C19orf47: variants seen among roughly 807,000 people sequenced by gnomAD.
C19orf47 encodes the protein chromosome 19 open reading frame 47, also known as uncharacterized protein C19orf47.
A neutral mutation model predicts 32.3 loss-of-function variants in C19orf47; 18 were observed. The observed-to-expected ratio is 0.56, with a 90% CI of 0.39 to 0.83. The LOEUF is 0.83. C19orf47 is among the 40% of genes least tolerant of loss of function. The probability of loss-of-function intolerance (pLI) is 0.00; values close to 1 mark genes in which losing one functional copy is unlikely to be tolerated. For missense variants in C19orf47, 484 were observed against 531.6 expected, an observed-to-expected ratio of 0.91 and a Z score of 0.88; for synonymous variants, 202 against 211.1, an observed-to-expected ratio of 0.96 and a Z score of 0.37.
chr19:40,302,406 C>T, the C19orf47 span, among the ~76,000 whole-genome samples: 19 of 152,248 alleles, frequency 1.2e-4, no homozygotes, highest in Non-Finnish European at 2.9e-5. Context: ...GTTGGGACTA[C>T]AGGCATGCAC....
the C19orf47 span, among the ~76,000 whole-genome samples, chr19:40,311,054 A>T: frequency 3.9e-5 from 6 of 152,194 alleles, no homozygotes; most frequent in East Asian, 1.2e-3. Context: ...CGTGGGCAAC[A>T]TAGCAAGCCC....
chr19:40,326,573 C>G, intron 6 of C19orf47, 87 bp from the exon 7 acceptor site: 1 of 1,458,152 alleles, frequency 6.9e-7, no homozygotes, highest in Non-Finnish European at 9.2e-7. Flanking sequence ...TCCTTTATCT[C>G]CACACATTCA....
intron 5 of C19orf47, 117 bp from the exon 6 acceptor site, chr19:40,328,667 G>A (rs1359155102): frequency 1.2e-5 from 16 of 1,354,530 alleles, no homozygotes; most frequent in South Asian, 2.9e-5. Flanking sequence ...GAAGGTCAGC[G>A]GGTATCACCC....
At chr19:40,338,320 CAAAT>C (rs1428911969) in intron 2 of C19orf47, among the ~76,000 whole-genome samples, 11 of 146,320 alleles carry the variant, frequency 7.5e-5, no homozygotes, top group South Asian at 4.2e-4. Flanking sequence ...TATATATACA[CAAAT>C]ATATATATAC....
intron 2 of C19orf47, among the ~76,000 whole-genome samples, chr19:40,340,452 G>T (rs552106112): frequency 6.6e-6 from 1 of 152,018 alleles, no homozygotes; most frequent in African/African-American, 2.4e-5. Flanking sequence ...GGAGGCCGAG[G>T]CAGGTGGATC....
intron 7 of C19orf47, 119 bp from the exon 8 acceptor site, chr19:40,324,195 G>T: frequency 1.0e-6 from 1 of 959,020 alleles, no homozygotes; most frequent in Non-Finnish European, 1.7e-6. Context: ...GGGCCAGACT[G>T]TGCTGAGTTG....
chr19:40,328,954 T>C (rs1008106637), intron 5 of C19orf47, among the ~76,000 whole-genome samples: 1 of 152,026 alleles, frequency 6.6e-6, no homozygotes, highest in Non-Finnish European at 1.5e-5. Context: ...TGGCATGCAG[T>C]TCCCCAAGCA....
In C19orf47 at chr19:40,321,875, A is replaced by G. The variant is rs766495098; in HGVS notation, c.*7T>C. ...GCTCTGCTGCCTGCACCCCGCCCAC[A>G]GGTGGGCTAGAAGGTCCTGCGGCCC... On this transcript the variant is annotated 3_prime_UTR_variant, in exon 9 of 9. Transcript: ENST00000683109. 2.6e-6 allele frequency: 4 copies of G among 1,566,046 alleles called. No individual in the cohort carries two copies. Among genetic ancestry groups the G allele is most frequent in the Non-Finnish European group, 3.5e-6 (4 of 1,156,768 alleles).
chr19:40,321,889 G>A lies in C19orf47; in HGVS notation c.1151C>T (p.Thr384Ile). ...VSVFKRLGRR[T>I]F is the part of the protein sequence containing the mutation. ...ACCCCGCCCACAGGTGGGCTAGAAGGTCCTGCGGCCCAGTCTTTTGAACAC... is the reference window on the plus strand; with the variant it reads ...ACCCCGCCCACAGGTGGGCTAGAAGATCCTGCGGCCCAGTCTTTTGAACAC... Residue 384 changes from threonine (T) to isoleucine (I), a missense_variant, in exon 9 of 9, where the codon ACC becomes ATC. Coordinates refer to ENST00000683109, the MANE Select transcript of C19orf47 (RefSeq NM_001256441.2). 6.3e-7 allele frequency: 1 copy of A among 1,593,346 alleles called. No homozygotes were observed. The highest frequency in any genetic ancestry group is 8.5e-7 in the Non-Finnish European group (1 of 1,169,868).
In C19orf47 at chr19:40,328,515, C is replaced by A; in HGVS notation, c.337G>T (p.Asp113Tyr). Reference protein sequence around the residue: ...SRMITNSLNHDSPPSTPPRRP... With the variant: ...SRMITNSLNHYSPPSTPPRRP... ...CTGGGGGGTGTGCTGGGTGGAGAGT[C>A]ATGGTTCAGGCTGTTGGTGATCATT... is the stretch of plus-strand genomic sequence containing the variant. The change falls in exon 6 of 9, where the codon GAC becomes TAC. Residue 113 changes from aspartate to tyrosine, a missense_variant. Asp to Tyr is a radical substitution (Grantham distance 160). This residue lies in a region of C19orf47 where 376 missense variants were observed against 370.2 expected (regional missense o/e 1.02). Transcript: ENST00000683109. 1.9e-6 allele frequency: 3 copies of A among 1,610,550 alleles called. No homozygotes were observed. Among genetic ancestry groups the A allele is most frequent in the Non-Finnish European group, 2.5e-6 (3 of 1,178,534 alleles).
the C19orf47 span, among the ~76,000 whole-genome samples, chr19:40,300,574 C>A: frequency 2.0e-5 from 3 of 152,124 alleles, no homozygotes; most frequent in African/African-American, 7.2e-5. Context: ...ACTATGTTAA[C>A]ATGATATATG....
At chr19:40,327,170 C>T (rs112979901) in intron 6 of C19orf47, among the ~76,000 whole-genome samples, 20,717 of 151,490 alleles carry the variant, frequency 0.14, 2,355 homozygotes, top group African/African-American at 0.31. Flanking sequence ...TGCGCCACCA[C>T]GCCCAGCTAA....
the C19orf47 span, among the ~76,000 whole-genome samples, chr19:40,313,212 T>C: frequency 6.6e-6 from 1 of 152,226 alleles, no homozygotes; most frequent in Non-Finnish European, 1.5e-5. Context: ...TTTTTGCCAG[T>C]CTACTGGGTG....
chr19:40,342,129 A>G (rs1445657379), intron 1 of C19orf47: 1 of 870,942 alleles, frequency 1.1e-6, no homozygotes, highest in Non-Finnish European at 1.4e-6. Flanking sequence ...ATTCACACAC[A>G]CCCCAAAAGG....
At chr19:40,345,838 G>C (rs1277866006) in intron 1 of C19orf47, among the ~76,000 whole-genome samples, 2 of 114,054 alleles carry the variant, frequency 1.8e-5, no homozygotes, top group Admixed American at 1.2e-4. Context: ...AACAGAGCAA[G>C]ACTCAGTCTC....
At chr19:40,309,197 T>C in the C19orf47 span, among the ~76,000 whole-genome samples, 4 of 151,214 alleles carry the variant, frequency 2.6e-5, no homozygotes, top group Non-Finnish European at 5.9e-5. Context: ...CTCTCTCTTT[T>C]TTTTTTTTTT....
chr19:40,328,322 A>G, intron 6 of C19orf47, 91 bp downstream of exon 6: 1 of 1,541,460 alleles, frequency 6.5e-7, no homozygotes, highest in South Asian at 1.2e-5. Context: ...CCTTCAAAGC[A>G]CCTTACAATA....
intron 2 of C19orf47, among the ~76,000 whole-genome samples, chr19:40,338,264 T>TACACACAC (rs770769948): frequency 3.6e-4 from 28 of 77,678 alleles, no homozygotes; most frequent in African/African-American, 8.3e-4. Flanking sequence ...TATACATATA[T>TACACACAC]ATACACACAC....
intron 6 of C19orf47, among the ~76,000 whole-genome samples, chr19:40,326,821 G>A (rs138424751): frequency 1.8e-3 from 269 of 152,280 alleles, no homozygotes; most frequent in African/African-American, 5.9e-3. Context: ...GCTCCAAGCA[G>A]GCAGTGCTTT....
Sources: allele counts gnomAD v4.1 joint callset (sites outside exome capture counted in the v4.1 genomes callset), GRCh38; gene constraint gnomAD v4.1.1; regional missense constraint gnomAD v4.1.1; transcripts MANE v1.5; gene names NCBI Gene and HGNC (gene_info 2026-07-23, HGNC 2026-07-21).